Variants in BCKDHB observed in about 807,000 individuals in gnomAD.
The protein encoded by BCKDHB is 2-oxoisovalerate dehydrogenase subunit beta, mitochondrial.
BCKDHB carries 41 observed loss-of-function variants against 48.5 expected under a neutral mutation model. The ratio of observed to expected loss-of-function variants is 0.85; its 90% CI spans 0.66 to 1.10. The LOEUF (loss-of-function observed/expected upper bound fraction) is 1.10, where lower values mean the gene tolerates loss of function less well. Among genes scored for constraint, BCKDHB ranks in the 50% least tolerant of loss-of-function variants. The probability of loss-of-function intolerance (pLI) is 0.00; values close to 1 mark genes in which losing one functional copy is unlikely to be tolerated. For missense variants in BCKDHB, 496 were observed against 494.2 expected (o/e 1.00, Z -0.03); for synonymous variants, 201 against 174.8 (o/e 1.15, Z -1.18).
intron 3 of BCKDHB, among the ~76,000 whole-genome samples, chr6:80,156,405 A>G (rs1464910727): frequency 6.6e-6 from 1 of 152,166 alleles, no homozygotes; most frequent in Non-Finnish European, 1.5e-5. Context: ...CACACCCAAA[A>G]GAACCTGCAT....
the BCKDHB span, among the ~76,000 whole-genome samples, chr6:80,415,414 A>G: frequency 8.7e-3 from 1,325 of 152,210 alleles, 21 homozygotes; most frequent in African/African-American, 0.03. Flanking sequence ...TGGTTTTGTC[A>G]TAGATGGTCC....
At chr6:80,323,774 C>A (rs1768869849) in intron 9 of BCKDHB, among the ~76,000 whole-genome samples, 1 of 152,098 alleles carries the variant, frequency 6.6e-6, no homozygotes, top group African/African-American at 2.4e-5. Flanking sequence ...TGAGAAAAAG[C>A]AAAATTATTA....
At chr6:80,409,405 C>T in the BCKDHB span, among the ~76,000 whole-genome samples, 1 of 151,230 alleles carries the variant, frequency 6.6e-6, no homozygotes, top group African/African-American at 2.4e-5. Context: ...CCACTTGGTG[C>T]AGAGCTGAGT....
At chr6:80,166,701 T>C (rs1165940858) in intron 3 of BCKDHB, among the ~76,000 whole-genome samples, 1 of 152,122 alleles carries the variant, frequency 6.6e-6, no homozygotes, top group East Asian at 1.9e-4. Flanking sequence ...GAATGATCTT[T>C]TTATTGATTT....
the BCKDHB span, among the ~76,000 whole-genome samples, chr6:80,400,577 C>T: frequency 3.3e-5 from 5 of 151,938 alleles, no homozygotes; most frequent in Middle Eastern, 3.2e-3. Flanking sequence ...ATAATAGATG[C>T]TGGTGAGGTT....
chr6:80,264,780 G>A (rs948754854), intron 8 of BCKDHB, among the ~76,000 whole-genome samples: 3 of 152,088 alleles, frequency 2.0e-5, no homozygotes, highest in Admixed American at 6.6e-5. Flanking sequence ...ATCATATTCT[G>A]AAAAGATTTT....
At position 80,264,573 on chromosome 6, in the gene BCKDHB, A is replaced by C. The variant is rs3805905; in HGVS notation, c.952-8562A>C. Among the ~76,000 whole-genome samples, 55 of 152,194 alleles carry C rather than the reference A, an allele frequency of 3.6e-4. 1 individual carries two copies. The East Asian group carries it at 0.01, about 29-fold the overall frequency. On this transcript the variant is annotated intron_variant, in intron 8 of 9. Coordinates refer to ENST00000320393, the MANE Select transcript of BCKDHB (RefSeq NM_183050.4). Reference sequence around the variant, plus strand: ...ATTCTGGTTAGCTGATTTACCGTTGAAGATTTTTCAGGAGAGGAGTGCTGT... The same window carrying C: ...ATTCTGGTTAGCTGATTTACCGTTGCAGATTTTTCAGGAGAGGAGTGCTGT...
Position 80,129,676 on chromosome 6 carries a change from TTTTAAG to T in BCKDHB, c.343+448_343+453del, listed in dbSNP as rs543360290. 1.7e-3 allele frequency among the ~76,000 whole-genome samples: 264 copies of T among 152,188 alleles called. 1 individual carries two copies. Among genetic ancestry groups the T allele is most frequent in the African/African-American group, 6.0e-3 (250 of 41,518 alleles). On this transcript the variant is annotated intron_variant, in intron 3 of 9. Transcript: ENST00000320393. ...AAGGAACTGGCTCATGTGAGTTTAGTTTTAAGGAACTGGCTGGCAAGTCCATAGGGC... is the reference window on the plus strand; with the variant it reads ...AAGGAACTGGCTCATGTGAGTTTAGTGAACTGGCTGGCAAGTCCATAGGGC...
At chr6:80,376,466 T>C in the BCKDHB span, among the ~76,000 whole-genome samples, 6 of 152,270 alleles carry the variant, frequency 3.9e-5, no homozygotes, top group East Asian at 7.7e-4. Flanking sequence ...GCAAGCAGAC[T>C]CACAGTTCCT....
the BCKDHB span, among the ~76,000 whole-genome samples, chr6:80,359,966 A>G: frequency 2.0e-5 from 3 of 152,190 alleles, no homozygotes; most frequent in African/African-American, 7.2e-5. Flanking sequence ...AGTGAAAAGA[A>G]TGTTGTTCAG....
chr6:80,426,261 C>G, the BCKDHB span, among the ~76,000 whole-genome samples: 1,871 of 152,190 alleles, frequency 0.012, 25 homozygotes, highest in Middle Eastern at 0.031. Flanking sequence ...ATTTGGCTAT[C>G]TTGGGCTGGG....
intron 1 of BCKDHB, among the ~76,000 whole-genome samples, chr6:80,113,072 T>G (rs1769497306): frequency 6.6e-6 from 1 of 152,226 alleles, no homozygotes; most frequent in South Asian, 2.1e-4. Flanking sequence ...CATCATTGTT[T>G]GCCATTACTG....
At chr6:80,235,322 T>G (rs1776106134) in intron 8 of BCKDHB, among the ~76,000 whole-genome samples, 1 of 152,178 alleles carries the variant, frequency 6.6e-6, no homozygotes, top group African/African-American at 2.4e-5. Flanking sequence ...AAATAGCTAT[T>G]TCTTCTAATA....
At position 80,212,062 on chromosome 6, in the gene BCKDHB, A is replaced by G. The variant is rs535908566; in HGVS notation, c.951+8850A>G. On this transcript the variant is annotated intron_variant, in intron 8 of 9. Coordinates refer to ENST00000320393, the MANE Select transcript of BCKDHB (RefSeq NM_183050.4). ...CAGAACCACTGACAAGGGTCCAACA[A>G]AGATCACAAGGCAAAGGGCAAAAGC... 3.9e-5 allele frequency among the ~76,000 whole-genome samples: 6 copies of G among 152,256 alleles called. No individual in the cohort carries two copies. The East Asian group carries it at 1.2e-3, about 29-fold the overall frequency.
intron 8 of BCKDHB, among the ~76,000 whole-genome samples, chr6:80,226,323 C>T (rs897400536): frequency 6.6e-6 from 1 of 152,080 alleles, no homozygotes; most frequent in Non-Finnish European, 1.5e-5. Context: ...GTTAAAAAAC[C>T]AGAATCTCTC....
At chr6:80,389,049 A>T in the BCKDHB span, among the ~76,000 whole-genome samples, 1 of 152,214 alleles carries the variant, frequency 6.6e-6, no homozygotes, top group Non-Finnish European at 1.5e-5. Context: ...GGGAAGAGAT[A>T]TGTGGATGGA....
chr6:80,142,867 A>C (rs2127744059), intron 3 of BCKDHB, among the ~76,000 whole-genome samples: 1 of 152,242 alleles, frequency 6.6e-6, no homozygotes, highest in South Asian at 2.1e-4. Flanking sequence ...TCCAGTTATG[A>C]AAAAATTTTT....
chr6:80,371,740 A>G, the BCKDHB span, among the ~76,000 whole-genome samples: 18 of 151,998 alleles, frequency 1.2e-4, no homozygotes, highest in African/African-American at 4.3e-4. Context: ...TAAACAGGGT[A>G]TCTTTTCCCC....
rs138139320 is a variant in BCKDHB at position 80,132,160 on chromosome 6, C to A, written c.343+2931C>A. ...CTTTGCACTTGCTATCTGGGTCTCT[C>A]TACCCTGTCTGATTACCTGGTAGAC... On this transcript the variant is annotated intron_variant, in intron 3 of 9. Transcript: ENST00000320393. 1.7e-3 allele frequency among the ~76,000 whole-genome samples: 264 copies of A among 152,102 alleles called. 1 individual carries two copies. The highest frequency in any genetic ancestry group is 6.0e-3 in the African/African-American group (250 of 41,524).
Sources: allele counts gnomAD v4.1 joint callset (sites outside exome capture counted in the v4.1 genomes callset), GRCh38; gene constraint gnomAD v4.1.1; transcripts MANE v1.5; gene names NCBI Gene and HGNC (gene_info 2026-07-23, HGNC 2026-07-21).